ZDHHC21: variants seen among roughly 807,000 people sequenced by gnomAD.
ZDHHC21 encodes zDHHC palmitoyltransferase 21, also known as palmitoyltransferase ZDHHC21.
Under a neutral mutation model 34.6 loss-of-function variants are expected in ZDHHC21, and 15 were observed. The ratio of observed to expected loss-of-function variants is 0.43; its 90% CI spans 0.29 to 0.67. The LOEUF is 0.67. Among genes scored for constraint, ZDHHC21 ranks in the 30% least tolerant of loss-of-function variants. The pLI is 0.14. For synonymous variants in ZDHHC21, 142 were observed against 101.8 expected (o/e 1.40, Z -2.38); for missense variants, 344 against 327.7 (o/e 1.05, Z -0.38).
chr9:14,671,498 AG>A (rs2131505369), intron 5 of ZDHHC21, among the ~76,000 whole-genome samples: 1 of 152,204 alleles, frequency 6.6e-6, no homozygotes, highest in Non-Finnish European at 1.5e-5. Flanking sequence ...TGTAAGAGGG[AG>A]GATCAAACTA....
At position 14,619,061 on chromosome 9, in the gene ZDHHC21, C is replaced by G; in HGVS notation, c.703G>C (p.Glu235Gln). Residue 235 changes from glutamate (E) to glutamine (Q), a missense_variant, in exon 10 of 10, where the codon GAA becomes CAA. Transcript: ENST00000380916. ...PRKPWQQTFS[E>Q]VFGTRWKILW... Reference sequence around the variant, plus strand: ...ATCTTCCAACGAGTGCCAAAAACTTCTGAGAAGGTCTGCTGCCATGGCTTT... The same window carrying G: ...ATCTTCCAACGAGTGCCAAAAACTTGTGAGAAGGTCTGCTGCCATGGCTTT... 6.2e-7 allele frequency: 1 copy of G among 1,611,924 alleles called. No individual in the cohort carries two copies. Among genetic ancestry groups the G allele is most frequent in the Non-Finnish European group, 8.5e-7 (1 of 1,178,886 alleles).
rs770233415 is a variant in ZDHHC21 at position 14,672,869 on chromosome 9, G to T, written c.214C>A (p.Pro72Thr). The T allele has an allele frequency of 6.2e-7, 1 of 1,608,804 alleles. No individual in the cohort carries two copies. Reference protein sequence around the residue: ...VALVRASITDPGRLPENPKIP... With the variant: ...VALVRASITDTGRLPENPKIP... ...TTGGGGTTCTCAGGGAGTCTTCCTGGATCAGTTATGGAGGCCCTCACTAAG... is the reference window on the plus strand; with the variant it reads ...TTGGGGTTCTCAGGGAGTCTTCCTGTATCAGTTATGGAGGCCCTCACTAAG... Residue 72 changes from proline (P) to threonine (T), a missense_variant, in exon 5 of 10, where the codon CCA (proline) becomes ACA (threonine). Transcript: ENST00000380916.
At chr9:14,672,692 G>T in intron 5 of ZDHHC21, 138 bp downstream of exon 5, 1 of 575,436 alleles carries the variant, frequency 1.7e-6, no homozygotes, top group South Asian at 4.3e-5. Context: ...GAGAAGTTTG[G>T]AAAAGACACA....
At chr9:14,672,413 T>C (rs893979076) in intron 5 of ZDHHC21, among the ~76,000 whole-genome samples, 1 of 152,070 alleles carries the variant, frequency 6.6e-6, no homozygotes, top group Non-Finnish European at 1.5e-5. Flanking sequence ...CCCAGATTCG[T>C]AACAAAGGTG....
chr9:14,683,559 T>C (rs893141796), intron 2 of ZDHHC21: 6 of 152,092 alleles, frequency 3.9e-5, no homozygotes, highest in Admixed American at 1.3e-4. Context: ...CAATAATTAA[T>C]AGCTTACCAA....
chr9:14,647,407 A>T (rs766377663), intron 7 of ZDHHC21, among the ~76,000 whole-genome samples: 1 of 152,096 alleles, frequency 6.6e-6, no homozygotes, highest in South Asian at 2.1e-4. Context: ...CCTAATCTCA[A>T]TTCAAATTCT....
chr9:14,639,129 G>C (rs773582083), intron 8 of ZDHHC21, among the ~76,000 whole-genome samples: 2 of 151,962 alleles, frequency 1.3e-5, no homozygotes, highest in Non-Finnish European at 2.9e-5. Context: ...ACAGATGAAT[G>C]AATTTTAAAA....
chr9:14,658,460 A>ATTTTT (rs1338642945), intron 7 of ZDHHC21, among the ~76,000 whole-genome samples: 14 of 35,356 alleles, frequency 4.0e-4, no homozygotes, highest in Non-Finnish European at 5.2e-4. Flanking sequence ...GGATATAAAC[A>ATTTTT]TTTCTTTTTT....
the ZDHHC21 span, among the ~76,000 whole-genome samples, chr9:14,597,261 C>T: frequency 3.3e-5 from 5 of 152,132 alleles, no homozygotes; most frequent in South Asian, 6.2e-4. Context: ...TCTATCTCCA[C>T]GTCCCTGGAG....
chr9:14,608,597 C>T (rs1680196424), downstream of ZDHHC21, among the ~76,000 whole-genome samples: 1 of 151,820 alleles, frequency 6.6e-6, no homozygotes, highest in African/African-American at 2.4e-5. Flanking sequence ...ACTAGTCATC[C>T]AGAGGACATA....
downstream of ZDHHC21, among the ~76,000 whole-genome samples, chr9:14,609,128 C>T (rs561846436): frequency 7.0e-4 from 107 of 151,904 alleles, no homozygotes; most frequent in African/African-American, 2.4e-3. Flanking sequence ...ACCACACTAT[C>T]GCTTAAAAAA....
intron 2 of ZDHHC21, among the ~76,000 whole-genome samples, chr9:14,680,805 C>G (rs1017926033): frequency 1.3e-5 from 2 of 152,180 alleles, no homozygotes; most frequent in African/African-American, 4.8e-5. Flanking sequence ...ACAGACAAGA[C>G]CAGTAAGACA....
At chr9:14,638,275 T>C (rs565052668) in intron 8 of ZDHHC21, among the ~76,000 whole-genome samples, 18 of 151,908 alleles carry the variant, frequency 1.2e-4, no homozygotes, top group East Asian at 9.7e-4. Context: ...AGAACATACA[T>C]TGGGGGAAAA....
At chr9:14,644,664 G>A (rs1456596105) in intron 7 of ZDHHC21, among the ~76,000 whole-genome samples, 1 of 151,700 alleles carries the variant, frequency 6.6e-6, no homozygotes, top group Non-Finnish European at 1.5e-5. Context: ...TTTCTAATCT[G>A]TTAATGTGAT....
At chr9:14,595,027 G>A in the ZDHHC21 span, among the ~76,000 whole-genome samples, 2 of 152,142 alleles carry the variant, frequency 1.3e-5, no homozygotes, top group Non-Finnish European at 2.9e-5. Context: ...TAAGTTATTA[G>A]TGCAGATGTG....
At chr9:14,645,902 G>C (rs10738374) in intron 7 of ZDHHC21, among the ~76,000 whole-genome samples, 56,394 of 151,898 alleles carry the variant, frequency 0.37, 10,778 homozygotes, top group Non-Finnish European at 0.41. Flanking sequence ...ATGTTAAGAA[G>C]ATTTAAGTAT....
rs748366039 is a variant in ZDHHC21, at chr9:14,618,955, C to G, written c.*11G>C. On this transcript the variant is annotated 3_prime_UTR_variant, in exon 10 of 10. Coordinates refer to ENST00000380916, the MANE Select transcript of ZDHHC21 (RefSeq NM_178566.6). ...GCATGGAGGACCCATCTGTGCCCACCATCCATCTGTTTAGACATGATTGGC... is the reference window on the plus strand; with the variant it reads ...GCATGGAGGACCCATCTGTGCCCACGATCCATCTGTTTAGACATGATTGGC... 6.3e-7 allele frequency: 1 copy of G among 1,587,494 alleles called. No homozygotes were observed. The highest frequency in any genetic ancestry group is 1.2e-5 in the South Asian group (1 of 86,940).
At chr9:14,669,912 A>C (rs1835150045) in intron 5 of ZDHHC21, among the ~76,000 whole-genome samples, 1 of 146,728 alleles carries the variant, frequency 6.8e-6, no homozygotes. Context: ...CTAGATGACG[A>C]GTTAGTGGGT....
chr9:14,670,851 GA>G (rs1206463519), intron 5 of ZDHHC21, among the ~76,000 whole-genome samples: 1 of 151,726 alleles, frequency 6.6e-6, no homozygotes, highest in Non-Finnish European at 1.5e-5. Context: ...TGTGTAGCAA[GA>G]AAAAAAATCC....
Sources: gnomAD v4.1 joint callset for allele counts (sites outside exome capture counted in the v4.1 genomes callset) on GRCh38, gnomAD v4.1.1 for gene constraint, MANE v1.5 for transcripts, NCBI Gene and HGNC (gene_info 2026-07-23, HGNC 2026-07-21) for gene names.